XXYLT1: variants seen among roughly 807,000 people sequenced by gnomAD.
The protein encoded by XXYLT1 is xyloside xylosyltransferase 1.
In XXYLT1, 20 loss-of-function variants were observed where a neutral mutation model predicts 28.9. That is an observed-to-expected ratio of 0.69 (90% CI 0.49 to 1.00). The LOEUF is 1.00. XXYLT1 is among the 50% of genes least tolerant of loss of function. The pLI is 0.00. For synonymous variants in XXYLT1, 257 were observed against 253.8 expected, an observed-to-expected ratio of 1.01 and a Z score of -0.12; for missense variants, 542 against 560.1, an observed-to-expected ratio of 0.97 and a Z score of 0.33.
At chr3:195,071,981 T>G (rs1714842683) in intron 3 of XXYLT1, among the ~76,000 whole-genome samples, 1 of 152,030 alleles carries the variant, frequency 6.6e-6, no homozygotes, top group Non-Finnish European at 1.5e-5. Flanking sequence ...GACTACCTCA[T>G]GCTCCACGGA....
chr3:195,171,187 G>A lies in XXYLT1; in HGVS notation c.653-14606C>T, dbSNP rs530364834. ...AGGGTGAGCCTGGACCGCACGCTTCGGGAACTGGGCATGGAAAGAGCTGGG... is the reference window on the plus strand; with the variant it reads ...AGGGTGAGCCTGGACCGCACGCTTCAGGAACTGGGCATGGAAAGAGCTGGG... On this transcript the variant is annotated intron_variant, in intron 2 of 3. Coordinates refer to ENST00000310380, the MANE Select transcript of XXYLT1 (RefSeq NM_152531.5). Among the ~76,000 whole-genome samples, 170 of 152,340 alleles carry A rather than the reference G, an allele frequency of 1.1e-3. 1 individual carries two copies. The highest frequency in any genetic ancestry group is 4.1e-3 in the African/African-American group (170 of 41,568).
Position 195,257,064 on chromosome 3 carries a change from C to T in XXYLT1, c.504+13491G>A, listed in dbSNP as rs1725504182. ...GGCTGGATGACTTTCTGCAGGAGAACCCGTGACAAGAGGGACCGGGAAGCT... is the reference window on the plus strand; with the variant it reads ...GGCTGGATGACTTTCTGCAGGAGAATCCGTGACAAGAGGGACCGGGAAGCT... On this transcript the variant is annotated intron_variant, in intron 1 of 3. Transcript: ENST00000310380. The surrounding 1 kb of genome is among the most constrained non-coding windows in gnomAD (Gnocchi z 4.3). 6.6e-6 allele frequency among the ~76,000 whole-genome samples: 1 copy of T among 152,230 alleles called. No individual in the cohort carries two copies. The highest frequency in any genetic ancestry group is 1.5e-5 in the Non-Finnish European group (1 of 68,034).
intron 2 of XXYLT1, among the ~76,000 whole-genome samples, chr3:195,219,270 C>A (rs1364427543): frequency 1.3e-5 from 2 of 152,142 alleles, no homozygotes; most frequent in East Asian, 3.8e-4. Context: ...ACATATGTAA[C>A]TAACCTGCAC....
intron 1 of XXYLT1, among the ~76,000 whole-genome samples, chr3:195,227,219 T>C (rs1033380167): frequency 6.6e-6 from 1 of 152,160 alleles, no homozygotes; most frequent in Non-Finnish European, 1.5e-5. Flanking sequence ...GCCCAGCGAC[T>C]GGAAACCACG....
chr3:195,083,536 G>T (rs1190276262), intron 3 of XXYLT1, among the ~76,000 whole-genome samples: 1 of 152,058 alleles, frequency 6.6e-6, no homozygotes, highest in African/African-American at 2.4e-5. Context: ...CTACATCCAG[G>T]CTGGCAATAA....
At position 195,150,684 on chromosome 3, in the gene XXYLT1, A is replaced by G. The variant is rs1169987425; in HGVS notation, c.785+5765T>C. Among the ~76,000 whole-genome samples the G allele has an allele frequency of 1.3e-5, 2 of 152,174 alleles. No homozygotes were observed. Among genetic ancestry groups the G allele is most frequent in the African/African-American group, 4.8e-5 (2 of 41,432 alleles). On this transcript the variant is annotated intron_variant, in intron 3 of 3. Coordinates refer to ENST00000310380, the MANE Select transcript of XXYLT1 (RefSeq NM_152531.5). This position sits in a 1 kb window ranked among gnomAD's most constrained non-coding sequence, Gnocchi z 4.7. ...CTGGGGAGAATGAAACCGGAAGCCT[A>G]TGCCGCCACCAACAAGCTCCCATTC...
intron 2 of XXYLT1, among the ~76,000 whole-genome samples, chr3:195,161,473 C>T (rs1295863321): frequency 6.6e-6 from 1 of 152,084 alleles, no homozygotes; most frequent in Non-Finnish European, 1.5e-5. Flanking sequence ...AACCCCCAAC[C>T]ATGACCACCT....
intron 2 of XXYLT1, among the ~76,000 whole-genome samples, chr3:195,185,085 A>AAG (rs1722122971): frequency 2.0e-4 from 20 of 100,994 alleles, no homozygotes; most frequent in Non-Finnish European, 3.5e-4. Context: ...GAAAGAAGGA[A>AAG]GAAGGAAGGA....
intron 1 of XXYLT1, among the ~76,000 whole-genome samples, chr3:195,269,780 T>C (rs1258345244): frequency 2.0e-5 from 3 of 152,180 alleles, no homozygotes; most frequent in Admixed American, 2.0e-4. Flanking sequence ...CAAAATCAAA[T>C]AAGCAATTTG....
chr3:195,182,742 A>G (rs1446460736), intron 2 of XXYLT1, among the ~76,000 whole-genome samples: 1 of 152,128 alleles, frequency 6.6e-6, no homozygotes, highest in East Asian at 1.9e-4. Context: ...AAGACCTTAC[A>G]TTTTTCATCC....
intron 3 of XXYLT1, among the ~76,000 whole-genome samples, chr3:195,147,354 G>A (rs905285497): frequency 3.3e-5 from 5 of 152,156 alleles, no homozygotes; most frequent in African/African-American, 1.2e-4. Context: ...TGGATCACCT[G>A]AGGTCAGGAG....
intron 2 of XXYLT1, among the ~76,000 whole-genome samples, chr3:195,166,344 C>G (rs1256036843): frequency 6.6e-6 from 1 of 152,084 alleles, no homozygotes; most frequent in African/African-American, 2.4e-5. Context: ...ACATAAAATA[C>G]AATGCACCAA....
Position 195,226,773 on chromosome 3 carries a change from C to T in XXYLT1, c.588G>A (p.Leu196=), listed in dbSNP as rs1419415598. Residue 196 remains leucine (L), a synonymous_variant, in exon 2 of 4, where the codon TTG becomes TTA. Transcript: ENST00000310380. ...AGATGGAGTCACTGTAGTAGGTTCC[C>T]AAGCCAGCACTGAAGTGCTTCTGCA... ...EAMQKHFSAG[L]GTYYSDSIFF... The T allele has an allele frequency of 6.2e-7, 1 of 1,613,658 alleles. No homozygotes were observed. The highest frequency in any genetic ancestry group is 1.7e-5 in the Admixed American group (1 of 59,944).
chr3:195,127,523 C>A (rs1718698286), intron 3 of XXYLT1, among the ~76,000 whole-genome samples: 1 of 152,134 alleles, frequency 6.6e-6, no homozygotes, highest in African/African-American at 2.4e-5. Context: ...TGCCTGTAAT[C>A]CCAGCATTTT....
intron 1 of XXYLT1, among the ~76,000 whole-genome samples, chr3:195,235,876 A>C (rs1724514322): frequency 6.6e-6 from 1 of 151,852 alleles, no homozygotes; most frequent in South Asian, 2.1e-4. Context: ...CAATCTCTCT[A>C]TATATCTATA....
intron 3 of XXYLT1, among the ~76,000 whole-genome samples, chr3:195,099,015 A>T (rs565253523): frequency 6.6e-6 from 1 of 152,176 alleles, no homozygotes; most frequent in Non-Finnish European, 1.5e-5. Flanking sequence ...ACCATTCCAC[A>T]ATCACAATGT....
chr3:195,251,037 G>A (rs571594076), intron 1 of XXYLT1, among the ~76,000 whole-genome samples: 6 of 152,358 alleles, frequency 3.9e-5, no homozygotes, highest in African/African-American at 1.4e-4. Flanking sequence ...CGGCATAAAT[G>A]TGCACTGGCC....
At position 195,180,776 on chromosome 3, in the gene XXYLT1, G is replaced by A. The variant is rs147402357; in HGVS notation, c.653-24195C>T. On this transcript the variant is annotated intron_variant, in intron 2 of 3. Transcript: ENST00000310380. The surrounding 1 kb of genome is among the most constrained non-coding windows in gnomAD (Gnocchi z 5.8). ...CACCTGCTCGCCAGGAGCAAGGGCA[G>A]CGCCGGCCCTCCTCGGGAGAAGCTC... Among the ~76,000 whole-genome samples the A allele has an allele frequency of 1.3e-5, 2 of 152,230 alleles. No homozygotes were observed. Among genetic ancestry groups the A allele is most frequent in the South Asian group, 4.1e-4 (2 of 4,834 alleles).
At position 195,077,076 on chromosome 3, in the gene XXYLT1, A is replaced by T. The variant is rs964291741; in HGVS notation, c.786-6965T>A. Among the ~76,000 whole-genome samples the T allele has an allele frequency of 1.6e-4, 24 of 152,238 alleles. No homozygotes were observed. Among genetic ancestry groups the T allele is most frequent in the Middle Eastern group, 3.4e-3 (1 of 294 alleles). On this transcript the variant is annotated intron_variant, in intron 3 of 3. Coordinates refer to ENST00000310380, the MANE Select transcript of XXYLT1 (RefSeq NM_152531.5). This position sits in a 1 kb window ranked among gnomAD's most constrained non-coding sequence, Gnocchi z 4.8. The stretch of plus-strand genomic sequence containing the variant: ...TTCTCACTGTCCAGGGACTCAGAGG[A>T]CACCTGTGGGGCCCAGAACTGCCCT...
Sources: allele counts gnomAD v4.1 joint callset (sites outside exome capture counted in the v4.1 genomes callset), GRCh38; gene constraint gnomAD v4.1.1; non-coding constraint Gnocchi (gnomAD v3.1); transcripts MANE v1.5; gene names NCBI Gene and HGNC (gene_info 2026-07-23, HGNC 2026-07-21).